CCDC7: variants seen among roughly 807,000 people sequenced by gnomAD.
CCDC7 encodes coiled-coil domain-containing protein 7.
Under a neutral mutation model 196.9 loss-of-function variants are expected in CCDC7, and 183 were observed. That is an observed-to-expected ratio of 0.93 (90% CI 0.82 to 1.05). CCDC7 has a LOEUF of 1.05. Ranked by LOEUF, CCDC7 falls within the 50% of genes least tolerant of loss-of-function variation. The pLI, the probability that CCDC7 is intolerant of heterozygous loss-of-function variation, is 0.00. For synonymous variants in CCDC7, 525 were observed against 484.6 expected, an observed-to-expected ratio of 1.08 and a Z score of -1.10; for missense variants, 1,540 against 1,482.2, an observed-to-expected ratio of 1.04 and a Z score of -0.64.
chr10:32,731,361 A>G (rs905148346), intron 28 of CCDC7, among the ~76,000 whole-genome samples: 6 of 152,130 alleles, frequency 3.9e-5, no homozygotes, highest in African/African-American at 7.2e-5. Flanking sequence ...CTATTCCTAG[A>G]ATATGTAAAA....
chr10:32,546,287 C>A (rs1475900062), intron 13 of CCDC7, among the ~76,000 whole-genome samples: 3 of 152,168 alleles, frequency 2.0e-5, no homozygotes, highest in Non-Finnish European at 2.9e-5. Flanking sequence ...CTTATCAAGT[C>A]ACTTAAAAAT....
rs142132508 is a variant in CCDC7, at chr10:32,551,494, T to C, written c.1134+7193T>C. The stretch of plus-strand genomic sequence containing the variant: ...TTCCTTGAGGTGTGACCTTAGAGTG[T>C]CAGTTTGTGCTTTTTCAGTGTTTTT... On this transcript the variant is annotated intron_variant, in intron 13 of 41. Coordinates refer to ENST00000639629, the Ensembl canonical transcript of CCDC7. Among the ~76,000 whole-genome samples, 295 of 152,264 alleles carry C rather than the reference T, an allele frequency of 1.9e-3. 3 individuals are homozygous for C. The highest frequency in any genetic ancestry group is 6.8e-3 in the African/African-American group (282 of 41,562).
chr10:32,817,117 A>G (rs1199252038), intron 31 of CCDC7, among the ~76,000 whole-genome samples: 1 of 152,190 alleles, frequency 6.6e-6, no homozygotes, highest in Non-Finnish European at 1.5e-5. Flanking sequence ...GCTAACTAGA[A>G]TAACCAATGC....
chr10:32,543,514 C>T, intron 12 of CCDC7, 129 bp downstream of exon 13: 1 of 988,268 alleles, frequency 1.0e-6, no homozygotes. Flanking sequence ...TTGGCAAATA[C>T]ATGTTTTTAT....
At chr10:32,845,305 G>A (rs759930308) in exon 34 of CCDC7, 2 of 1,571,494 alleles carry the variant, frequency 1.3e-6, no homozygotes, top group Non-Finnish European at 1.7e-6. Flanking sequence ...ATCAATCAAT[G>A]CACAACTAAA....
intron 24 of CCDC7, among the ~76,000 whole-genome samples, chr10:32,707,956 A>G (rs565789072): frequency 9.4e-4 from 143 of 152,132 alleles, no homozygotes; most frequent in African/African-American, 3.1e-3. Context: ...TTCTTCACAG[A>G]ATTGGAAAAA....
chr10:32,494,104 AT>A (rs1323581205), intron 9 of CCDC7, among the ~76,000 whole-genome samples: 1 of 152,146 alleles, frequency 6.6e-6, no homozygotes, highest in African/African-American at 2.4e-5. Context: ...TATCAAAAAA[AT>A]CTTTTCCAAG....
intron 11 of CCDC7, among the ~76,000 whole-genome samples, chr10:32,525,847 C>G (rs1020282992): frequency 2.0e-5 from 3 of 152,262 alleles, no homozygotes; most frequent in African/African-American, 7.2e-5. Flanking sequence ...TTTTCCCTTA[C>G]TTTCTCTCAA....
intron 18 of CCDC7, among the ~76,000 whole-genome samples, chr10:32,629,911 A>G (rs1259806731): frequency 6.6e-6 from 1 of 152,192 alleles, no homozygotes; most frequent in African/African-American, 2.4e-5. Flanking sequence ...TGTTCAAAGA[A>G]ACAGAAGTTT....
intron 33 of CCDC7, 23 bp downstream of exon 34, chr10:32,834,921 T>C (rs1340368074): frequency 9.2e-7 from 1 of 1,084,732 alleles, no homozygotes; most frequent in African/African-American, 1.6e-5. Flanking sequence ...ATTTTTCAAG[T>C]CTCCTGTTAA....
intron 24 of CCDC7, among the ~76,000 whole-genome samples, chr10:32,700,778 G>A (rs944346602): frequency 6.6e-6 from 1 of 152,158 alleles, no homozygotes; most frequent in Admixed American, 6.5e-5. Flanking sequence ...CACATCCCTT[G>A]TAAGTTGGAT....
upstream of CCDC7, among the ~76,000 whole-genome samples, chr10:32,445,565 G>A (rs906909253): frequency 1.5e-4 from 23 of 152,036 alleles, no homozygotes; most frequent in Non-Finnish European, 2.9e-5. Context: ...TCAACTTAAA[G>A]ACAAAATTAA....
At chr10:32,502,405 C>G (rs2044214078) in intron 9 of CCDC7, among the ~76,000 whole-genome samples, 1 of 152,136 alleles carries the variant, frequency 6.6e-6, no homozygotes. Flanking sequence ...TCCAACCAGT[C>G]CTATTGAGAT....
At chr10:32,793,824 G>A (rs1442288028) in intron 29 of CCDC7, among the ~76,000 whole-genome samples, 2 of 152,058 alleles carry the variant, frequency 1.3e-5, no homozygotes, top group Non-Finnish European at 2.9e-5. Context: ...CTGTTTTGTG[G>A]TATAACTATG....
At chr10:32,583,057 C>T in exon 17 of CCDC7, 1 of 1,231,314 alleles carries the variant, frequency 8.1e-7, no homozygotes, top group African/African-American at 1.6e-5. Flanking sequence ...CGATCTAGCC[C>T]TGCTATTTCA....
chr10:32,462,879 GTGA>G (rs762968096), intron 4 of CCDC7, 135 bp from the exon 6 acceptor site: 1 of 1,370,814 alleles, frequency 7.3e-7, no homozygotes, highest in Non-Finnish European at 1.0e-6. Context: ...TGAATCCCAA[GTGA>G]TGTTTCGGTC....
intron 24 of CCDC7, among the ~76,000 whole-genome samples, chr10:32,705,772 T>C (rs2079623295): frequency 6.6e-6 from 1 of 152,088 alleles, no homozygotes; most frequent in African/African-American, 2.4e-5. Flanking sequence ...AAGCTAACTA[T>C]CCTAAATATG....
chr10:32,825,417 G>T (rs1040649361), intron 32 of CCDC7, among the ~76,000 whole-genome samples: 7 of 152,134 alleles, frequency 4.6e-5, no homozygotes, highest in Non-Finnish European at 8.8e-5. Context: ...AGAAAAACGT[G>T]AAAAGACTAG....
chr10:32,604,156 A>T (rs1297850247), intron 18 of CCDC7, among the ~76,000 whole-genome samples: 1 of 152,056 alleles, frequency 6.6e-6, no homozygotes, highest in Non-Finnish European at 1.5e-5. Context: ...TTCTTTGCAC[A>T]TGAAGATTTA....
Sources: allele counts gnomAD v4.1 joint callset (sites outside exome capture counted in the v4.1 genomes callset), GRCh38; gene constraint gnomAD v4.1.1; transcripts MANE v1.5; gene names NCBI Gene and HGNC (gene_info 2026-07-23, HGNC 2026-07-21).